GSDMD: variants seen among roughly 807,000 people sequenced by gnomAD.
GSDMD encodes gasdermin D, also known as gasdermin-D.
GSDMD carries 46 observed loss-of-function variants against 46.7 expected under a neutral mutation model. The observed-to-expected ratio is 0.99, with a 90% CI of 0.78 to 1.26. The LOEUF (loss-of-function observed/expected upper bound fraction) is 1.26, where lower values mean the gene tolerates loss of function less well. Ranked by LOEUF, GSDMD falls within the 50% of genes most tolerant of loss-of-function variation. The probability of loss-of-function intolerance (pLI) is 0.00; values close to 1 mark genes in which losing one functional copy is unlikely to be tolerated. For synonymous variants in GSDMD, 307 were observed against 283.1 expected (o/e 1.08, Z -0.85); for missense variants, 649 against 638.8 (o/e 1.02, Z -0.17).
intron 1 of GSDMD, chr8:143,558,864 G>T (rs1426185643): frequency 1.9e-6 from 1 of 533,666 alleles, no homozygotes; most frequent in Non-Finnish European, 3.6e-6. Flanking sequence ...CCTTGGACAG[G>T]TGGCTCATGG....
chr8:143,558,534 G>A, intron 1 of GSDMD, 83 bp downstream of exon 1: 1 of 1,274,568 alleles, frequency 7.8e-7, no homozygotes, highest in Non-Finnish European at 1.0e-6. Context: ...GGGGGATGCT[G>A]GCCCTGCTGC....
chr8:143,554,555 TAC>T (rs1823266319), upstream of GSDMD, among the ~76,000 whole-genome samples: 1 of 148,340 alleles, frequency 6.7e-6, no homozygotes, highest in Non-Finnish European at 1.5e-5. Flanking sequence ...CGCACGTGCA[TAC>T]ACGCGCGCAA....
intron 3 of GSDMD, chr8:143,560,276 G>A (rs1193360503): frequency 2.9e-6 from 2 of 686,776 alleles, no homozygotes; most frequent in Non-Finnish European, 5.3e-6. Context: ...GAAGCTGCAG[G>A]GGTCATCTGG....
chr8:143,559,616 G>T, intron 2 of GSDMD, 64 bp downstream of exon 2: 1 of 1,522,642 alleles, frequency 6.6e-7, no homozygotes, highest in Non-Finnish European at 9.0e-7. Context: ...AGCGGGCTGG[G>T]GCCAACCATC....
chr8:143,557,659 T>C (rs1260276090), upstream of GSDMD, among the ~76,000 whole-genome samples: 1 of 152,224 alleles, frequency 6.6e-6, no homozygotes, highest in Non-Finnish European at 1.5e-5. Flanking sequence ...GGGTTGACAT[T>C]CCCACCAGCA....
chr8:143,555,567 G>A (rs1165672314), upstream of GSDMD, among the ~76,000 whole-genome samples: 3 of 152,198 alleles, frequency 2.0e-5, no homozygotes, highest in African/African-American at 7.2e-5. Context: ...TGTGTGCCCG[G>A]CTCCTTCCAT....
At chr8:143,559,690 C>T (rs896744827) in intron 2 of GSDMD, 87 bp from the exon 3 acceptor site, 1 of 1,459,742 alleles carries the variant, frequency 6.9e-7, no homozygotes, top group African/African-American at 1.4e-5. Flanking sequence ...TTCCAAAGGT[C>T]CCTCTGCCCT....
intron 1 of GSDMD, chr8:143,559,115 T>C (rs1480426915): frequency 6.7e-6 from 4 of 599,634 alleles, no homozygotes; most frequent in African/African-American, 5.6e-5. Flanking sequence ...GAGGTGCTCA[T>C]GGTACCGTAG....
chr8:143,559,981 G>GAGGGCAGGAC lies in GSDMD; in HGVS notation c.410+20_410+21insACAGGGCAGG. 6.3e-7 allele frequency: 1 copy of GAGGGCAGGAC among 1,588,500 alleles called. No homozygotes were observed. Among genetic ancestry groups the GAGGGCAGGAC allele is most frequent in the Non-Finnish European group, 8.6e-7 (1 of 1,161,170 alleles). On this transcript the variant is annotated intron_variant, in intron 3 of 10. Coordinates refer to ENST00000262580, the MANE Select transcript of GSDMD (RefSeq NM_024736.7). ...CTGCTCCATGAGAGGTGGGCCCGAA[G>GAGGGCAGGAC]AGGGCAGGGCAGGGCAGGGCCCCAC...
intron 1 of GSDMD, chr8:143,558,831 G>C (rs1823376363): frequency 1.8e-6 from 1 of 551,662 alleles, no homozygotes; most frequent in Admixed American, 2.2e-5. Context: ...GCCCGCTATG[G>C]CCTCTGACCC....
chr8:143,562,337 G>C lies in GSDMD; in HGVS notation c.1125G>C (p.Leu375=), dbSNP rs1823484564. The change falls in exon 9 of 11, where the codon CTG becomes CTC. Residue 375 remains leucine, a synonymous_variant. Transcript: ENST00000262580. ...TCGCTATCCCTGTTGTCTACCTGCT[G>C]GGGGCACTGACCAGTGAGCGGCCGC... ...PELAIPVVYL[L]GALTMLSETQ... 3 of 1,550,432 alleles carry C rather than the reference G, an allele frequency of 1.9e-6. No homozygotes were observed. Among genetic ancestry groups the C allele is most frequent in the Non-Finnish European group, 2.6e-6 (3 of 1,148,348 alleles).
rs1403885985 is a variant in GSDMD at position 143,558,364 on chromosome 8, C to T, written c.-92C>T. On this transcript the variant is annotated 5_prime_UTR_variant, in exon 1 of 11. Coordinates refer to ENST00000262580, the MANE Select transcript of GSDMD (RefSeq NM_024736.7). The stretch of plus-strand genomic sequence containing the variant: ...TCAGGTTGCAGTTTCACTTTTAGCT[C>T]TGGGCACCTCCAGCTCCTGCTCGCC... 2.0e-6 allele frequency: 3 copies of T among 1,523,782 alleles called. No homozygotes were observed. The highest frequency in any genetic ancestry group is 2.8e-5 in the African/African-American group (2 of 71,480). 94.4% of individuals were successfully genotyped at this position (1,523,782 alleles called of 1,614,324 possible).
Position 143,558,460 on chromosome 8 carries a change from C to G in GSDMD, c.-5+9C>G. On this transcript the variant is annotated intron_variant, in intron 1 of 10. Coordinates refer to ENST00000262580, the MANE Select transcript of GSDMD (RefSeq NM_024736.7). ...GGGCGCCGACGGTCACGGTGAGCTG[C>G]GCCCCGCCCCCTCCCCCGGCCTGGC... 6.8e-7 allele frequency: 1 copy of G among 1,478,188 alleles called. No individual in the cohort carries two copies. Among genetic ancestry groups the G allele is most frequent in the Non-Finnish European group, 8.9e-7 (1 of 1,120,184 alleles). 91.6% of individuals were successfully genotyped at this position (1,478,188 alleles called of 1,614,324 possible). A position where few individuals can be genotyped will look rare whatever the true frequency, so the allele number is the denominator to read the frequency against.
At chr8:143,560,008 T>C (rs11774948) in intron 3 of GSDMD, 39 bp downstream of exon 3, 1,551,502 of 1,566,484 alleles carry the variant, frequency 0.99, 769,459 homozygotes, top group East Asian at 1. Context: ...GGGCCCCACC[T>C]ACCCCAAGCA....
At chr8:143,558,227 C>G, upstream of GSDMD, 3 of 1,241,358 alleles carry the variant, frequency 2.4e-6, no homozygotes, top group Non-Finnish European at 3.2e-6. Flanking sequence ...AAGGTTCCTC[C>G]GGACGCGCGA....
upstream of GSDMD, chr8:143,558,268 AG>A: frequency 7.5e-7 from 1 of 1,342,190 alleles, no homozygotes; most frequent in Non-Finnish European, 9.7e-7. Flanking sequence ...TGGCGGGAAG[AG>A]GGGGCAGGAA....
At chr8:143,560,502 G>A in intron 3 of GSDMD, 101 bp from the exon 4 acceptor site, 1 of 1,288,476 alleles carries the variant, frequency 7.8e-7, no homozygotes, top group Non-Finnish European at 1.1e-6. Context: ...CCTCTGGAGG[G>A]CCCCTCTGCA....
At chr8:143,561,309 G>T in intron 5 of GSDMD, 61 bp from the exon 6 acceptor site, 1 of 1,494,610 alleles carries the variant, frequency 6.7e-7, no homozygotes. Flanking sequence ...GTAGGGGAGG[G>T]GAGGGGATGC....
At chr8:143,554,720 C>A (rs1255774916), upstream of GSDMD, among the ~76,000 whole-genome samples, 1 of 150,816 alleles carries the variant, frequency 6.6e-6, no homozygotes, top group Non-Finnish European at 1.5e-5. Context: ...AACAGGCACA[C>A]AACACCCACG....
Sources: gnomAD v4.1 joint callset for allele counts (sites outside exome capture counted in the v4.1 genomes callset) on GRCh38, gnomAD v4.1.1 for gene constraint, MANE v1.5 for transcripts, NCBI Gene and HGNC (gene_info 2026-07-23, HGNC 2026-07-21) for gene names.